Variants in TEX14 observed in about 807,000 individuals in gnomAD.
TEX14 encodes the protein testis expressed 14, intercellular bridge forming factor.
Under a neutral mutation model 178.6 loss-of-function variants are expected in TEX14, and 168 were observed. The ratio of observed to expected loss-of-function variants is 0.94; its 90% confidence interval spans 0.83 to 1.07. The LOEUF (loss-of-function observed/expected upper bound fraction) is 1.07. Ranked by LOEUF, TEX14 falls within the 50% of genes least tolerant of loss-of-function variation. The probability of loss-of-function intolerance (pLI) is 0.00; values close to 1 mark genes in which losing one functional copy is unlikely to be tolerated. For synonymous variants in TEX14, 626 were observed against 634.1 expected (o/e 0.99, Z 0.19); for missense variants, 1,730 against 1,753.6 (o/e 0.99, Z 0.24).
chr17:58,584,601 C>G lies in TEX14; in HGVS notation c.3071-1G>C. On this transcript the variant is annotated splice_acceptor_variant, in intron 18 of 31. Transcript: ENST00000349033. LOFTEE classifies it high-confidence loss of function. ...TGTCTGGGAGATGGGTGCCTGATACCTAATGATTGTAACACAGTCAGGGTC... is the reference window on the plus strand; with the variant it reads ...TGTCTGGGAGATGGGTGCCTGATACGTAATGATTGTAACACAGTCAGGGTC... The G allele has an allele frequency of 6.2e-7, 1 of 1,610,982 alleles. No homozygotes were observed. The highest frequency in any genetic ancestry group is 8.5e-7 in the Non-Finnish European group (1 of 1,177,182).
rs542947582 is a variant in TEX14 at position 58,677,080 on chromosome 17, T to C, written c.-2+14859A>G. 4.0e-4 allele frequency among the ~76,000 whole-genome samples: 58 copies of C among 144,354 alleles called. No homozygotes were observed. The East Asian group carries it at 0.011, about 27-fold the overall frequency. 94.7% of individuals were successfully genotyped at this position (144,354 alleles called of 152,430 possible). On this transcript the variant is annotated intron_variant, in intron 1 of 31. Coordinates refer to ENST00000349033, the MANE Select transcript of TEX14 (RefSeq NM_031272.5). ...GGTGCTGGGAGCCGAGATCAAACCA[T>C]TGCACTCCAGCCTGGGCAACAAGAG... is the stretch of plus-strand genomic sequence containing the variant.
At chr17:58,566,789 ACT>A (rs1190743795) in intron 26 of TEX14, among the ~76,000 whole-genome samples, 1 of 144,884 alleles carries the variant, frequency 6.9e-6, no homozygotes, top group Non-Finnish European at 1.5e-5. Context: ...ACAGAGTAAG[ACT>A]CTGTCTCAAA....
intron 1 of TEX14, chr17:58,660,879 G>A: frequency 1.2e-6 from 1 of 801,344 alleles, no homozygotes; most frequent in Non-Finnish European, 2.3e-6. Context: ...GGTTTCATTG[G>A]AGGCCTCTTC....
intron 23 of TEX14, 43 bp downstream of exon 23, chr17:58,573,138 C>T (rs2044580792): frequency 6.2e-7 from 1 of 1,608,162 alleles, no homozygotes; most frequent in Non-Finnish European, 8.5e-7. Flanking sequence ...TGGGCTGGGG[C>T]TGTAAGTCCT....
At chr17:58,646,482 G>A (rs1333929580) in intron 2 of TEX14, among the ~76,000 whole-genome samples, 1 of 152,046 alleles carries the variant, frequency 6.6e-6, no homozygotes, top group African/African-American at 2.4e-5. Flanking sequence ...CACAACTCCT[G>A]CCTCATCAAC....
chr17:58,666,593 C>G (rs1251425827), intron 1 of TEX14: 1 of 151,842 alleles, frequency 6.6e-6, no homozygotes, highest in Admixed American at 6.6e-5. Flanking sequence ...TGTAGTTACC[C>G]ACATTTGGGG....
At chr17:58,626,525 G>A (rs970688767) in intron 3 of TEX14, among the ~76,000 whole-genome samples, 2 of 138,422 alleles carry the variant, frequency 1.4e-5, no homozygotes, top group African/African-American at 5.5e-5. Flanking sequence ...AGCCAAGACC[G>A]TGCCACTGCA....
intron 1 of TEX14, among the ~76,000 whole-genome samples, chr17:58,666,289 G>C (rs2047203569): frequency 6.7e-6 from 1 of 150,324 alleles, no homozygotes; most frequent in African/African-American, 2.4e-5. Context: ...TGGAGGCTGC[G>C]GTGAGCCGAG....
At chr17:58,670,888 A>C (rs2047295084) in intron 1 of TEX14, among the ~76,000 whole-genome samples, 1 of 152,056 alleles carries the variant, frequency 6.6e-6, no homozygotes, top group Admixed American at 6.6e-5. Flanking sequence ...TACATACAGT[A>C]ATGCATATAT....
chr17:58,684,723 T>C (rs1301621842), intron 1 of TEX14, among the ~76,000 whole-genome samples: 1 of 151,998 alleles, frequency 6.6e-6, no homozygotes, highest in Admixed American at 6.6e-5. Flanking sequence ...AAAACTCATA[T>C]AGATTAATAG....
chr17:58,586,023 G>T lies in TEX14; in HGVS notation c.2848C>A (p.His950Asn). 6.2e-7 allele frequency: 1 copy of T among 1,614,132 alleles called. No individual in the cohort carries two copies. Among genetic ancestry groups the T allele is most frequent in the Non-Finnish European group, 8.5e-7 (1 of 1,180,012 alleles). ...TCTAAAGTCAGACTACTCTGAGGAT[G>T]CCAAGGAGGTACTGTGAGCTGTCCA... ...ATGQLTVPPW[H>N]PQSSLTLESE... is the part of the protein sequence containing the mutation. Residue 950 changes from histidine to asparagine, a missense_variant, in exon 18 of 32, where the codon CAT becomes AAT. Physicochemically the swap from His to Asn is moderately conservative, Grantham distance 68. Transcript: ENST00000349033.
At chr17:58,603,044 A>G (rs1292208639) in intron 11 of TEX14, among the ~76,000 whole-genome samples, 1 of 150,386 alleles carries the variant, frequency 6.6e-6, no homozygotes, top group Non-Finnish European at 1.5e-5. Flanking sequence ...CCAGCCTAGC[A>G]ACAAAAACAG....
intron 15 of TEX14, among the ~76,000 whole-genome samples, chr17:58,589,266 A>AG (rs1409977309): frequency 6.6e-6 from 1 of 151,290 alleles, no homozygotes; most frequent in Non-Finnish European, 1.5e-5. Context: ...CTATTTCCAA[A>AG]GAAAAAAAAG....
Position 58,621,718 on chromosome 17 carries a change from G to A in TEX14, c.486C>T (p.Leu162=), listed in dbSNP as rs1382898447. The A allele has an allele frequency of 6.2e-7, 1 of 1,614,190 alleles. No homozygotes were observed. Among genetic ancestry groups the A allele is most frequent in the East Asian group, 2.2e-5 (1 of 44,880 alleles). The change falls in exon 5 of 32, where the codon CTC becomes CTT. Residue 162 remains leucine, a synonymous_variant. Transcript: ENST00000349033. ...GCTGCGGGGAGTCTATCTTCTTCAG[G>A]AGGTCGTAAGAGAAGCCCTGGATGA... ...QAIIQGFSYD[L]LKKIDSPQRL...
In TEX14 at chr17:58,616,192, G is replaced by A. The variant is rs2045867921; in HGVS notation, c.750C>T (p.Pro250=). Residue 250 remains proline, a synonymous_variant, in exon 7 of 32, where the codon CCC becomes CCT. Transcript: ENST00000349033. ...CCACTTACTTGGTCATGACCATGTA[G>A]GGGCCGCTGAAGAAAGAGAAGGTGG... ...DEPTFSFFSG[P]YMVMTNLVWN... 3 of 1,613,768 alleles carry A rather than the reference G, an allele frequency of 1.9e-6. No individual in the cohort carries two copies. In the East Asian group the frequency reaches 6.7e-5, roughly 36 times the overall value.
At chr17:58,667,592 G>T (rs2047234750) in intron 1 of TEX14, among the ~76,000 whole-genome samples, 1 of 152,154 alleles carries the variant, frequency 6.6e-6, no homozygotes, top group South Asian at 2.1e-4. Flanking sequence ...GCATGACAAA[G>T]ATTCTTTGCT....
At chr17:58,571,848 A>G in intron 24 of TEX14, 73 bp downstream of exon 24, 1 of 1,326,990 alleles carries the variant, frequency 7.5e-7, no homozygotes, top group Admixed American at 1.8e-5. Flanking sequence ...ATTTGGAGAA[A>G]TCTTGGCAGT....
At chr17:58,641,057 G>A (rs1344534109) in intron 2 of TEX14, among the ~76,000 whole-genome samples, 1 of 152,096 alleles carries the variant, frequency 6.6e-6, no homozygotes, top group African/African-American at 2.4e-5. Context: ...GTTAGGGAAG[G>A]AGAGGGTTTC....
Position 58,577,988 on chromosome 17 carries a change from G to T in TEX14, c.3239-532C>A, listed in dbSNP as rs529332778. 3.3e-5 allele frequency among the ~76,000 whole-genome samples: 5 copies of T among 152,320 alleles called. 1 individual carries two copies. The South Asian group carries it at 1.0e-3, about 32-fold the overall frequency. ...AGTTATCTGAAGTTACTCCTCCCCAGTTCTCAGTAAGATGCTTTGCTCCAG... is the reference window on the plus strand; with the variant it reads ...AGTTATCTGAAGTTACTCCTCCCCATTTCTCAGTAAGATGCTTTGCTCCAG... On this transcript the variant is annotated intron_variant, in intron 20 of 31. Transcript: ENST00000349033.
Sources: gnomAD v4.1 joint callset for allele counts (sites outside exome capture counted in the v4.1 genomes callset) on GRCh38, gnomAD v4.1.1 for gene constraint, MANE v1.5 for transcripts, NCBI Gene and HGNC (gene_info 2026-07-23, HGNC 2026-07-21) for gene names.